The following SCD5 variants were observed in gnomAD, a reference collection of about 807,000 sequenced individuals.
The protein encoded by SCD5 is acyl-CoA-desaturase 4.
In SCD5, 20 loss-of-function variants were observed where a neutral mutation model predicts 30.4. The ratio of observed to expected loss-of-function variants is 0.66; its 90% CI spans 0.46 to 0.96. SCD5 has a LOEUF of 0.96. Ranked by LOEUF, SCD5 falls within the 40% of genes least tolerant of loss-of-function variation. SCD5 has a pLI of 0.00. For missense variants in SCD5, 381 were observed against 443.3 expected (o/e 0.86, Z 1.26); for synonymous variants, 173 against 176.4 (o/e 0.98, Z 0.16).
chr4:82,673,729 G>C (rs985530726), intron 3 of SCD5, among the ~76,000 whole-genome samples: 1 of 152,156 alleles, frequency 6.6e-6, no homozygotes, highest in African/African-American at 2.4e-5. Context: ...AAAGTTGGAA[G>C]AGTGCACTAC....
At chr4:82,720,926 G>A (rs1281867563) in intron 1 of SCD5, among the ~76,000 whole-genome samples, 2 of 152,114 alleles carry the variant, frequency 1.3e-5, no homozygotes, top group African/African-American at 4.8e-5. Flanking sequence ...CCGAGGTGAG[G>A]GGATCTCTTG....
intron 1 of SCD5, among the ~76,000 whole-genome samples, chr4:82,789,676 C>A (rs1202127623): frequency 6.6e-6 from 1 of 152,182 alleles, no homozygotes; most frequent in Non-Finnish European, 1.5e-5. Context: ...AGCCCTCCAA[C>A]CTTTCTAGTA....
intron 2 of SCD5, among the ~76,000 whole-genome samples, chr4:82,700,086 G>A (rs116032421): frequency 0.023 from 3,476 of 151,886 alleles, 65 homozygotes; most frequent in South Asian, 0.091. Flanking sequence ...GTTTGGTGGC[G>A]CGCACCTGTA....
At chr4:82,712,273 T>C (rs1248812607) in intron 1 of SCD5, among the ~76,000 whole-genome samples, 709 of 50,034 alleles carry the variant, frequency 0.014, 127 homozygotes, top group African/African-American at 0.089. Context: ...TATATATATA[T>C]ATATATATAT....
At chr4:82,742,302 A>G (rs1578048095) in intron 1 of SCD5, among the ~76,000 whole-genome samples, 1 of 152,148 alleles carries the variant, frequency 6.6e-6, no homozygotes, top group East Asian at 1.9e-4. Flanking sequence ...GGTTTTCCTG[A>G]GTAGAGTGTG....
chr4:82,757,831 G>C (rs765558523), intron 1 of SCD5, among the ~76,000 whole-genome samples: 56 of 152,176 alleles, frequency 3.7e-4, no homozygotes, highest in Non-Finnish European at 7.2e-4. Context: ...TTCAGGAAAA[G>C]AGAGTCCTAA....
chr4:82,653,478 C>T (rs774216144), intron 3 of SCD5, among the ~76,000 whole-genome samples: 8 of 152,134 alleles, frequency 5.3e-5, no homozygotes, highest in African/African-American at 2.4e-5. Flanking sequence ...AATCCCCTCA[C>T]TACCACCTGG....
intron 3 of SCD5, among the ~76,000 whole-genome samples, chr4:82,668,235 T>C (rs1728233446): frequency 6.6e-6 from 1 of 151,828 alleles, no homozygotes; most frequent in African/African-American, 2.4e-5. Context: ...AGACAAAGAC[T>C]ATAGGGAGAG....
At chr4:82,716,990 T>C (rs1720241964) in intron 1 of SCD5, among the ~76,000 whole-genome samples, 1 of 151,798 alleles carries the variant, frequency 6.6e-6, no homozygotes, top group Admixed American at 6.6e-5. Context: ...TAGAGATGAT[T>C]TAAAATATAT....
At chr4:82,682,243 C>A (rs1728592684) in intron 2 of SCD5, among the ~76,000 whole-genome samples, 1 of 152,162 alleles carries the variant, frequency 6.6e-6, no homozygotes, top group African/African-American at 2.4e-5. Flanking sequence ...ATGTGGGGAG[C>A]ACACCCTATT....
chr4:82,759,444 G>C (rs932544273), intron 1 of SCD5, among the ~76,000 whole-genome samples: 1 of 152,054 alleles, frequency 6.6e-6, no homozygotes, highest in Admixed American at 6.5e-5. Context: ...CAGATGTTCT[G>C]CTTCACCCTA....
intron 1 of SCD5, among the ~76,000 whole-genome samples, chr4:82,772,436 C>G (rs1721648213): frequency 6.6e-6 from 1 of 152,262 alleles, no homozygotes; most frequent in Non-Finnish European, 1.5e-5. Flanking sequence ...TGAGCAGCCA[C>G]ATGACTTGTG....
At chr4:82,682,595 A>G (rs1231347790) in intron 2 of SCD5, among the ~76,000 whole-genome samples, 1 of 152,164 alleles carries the variant, frequency 6.6e-6, no homozygotes, top group Non-Finnish European at 1.5e-5. Context: ...TTAGGAGTCT[A>G]CCATTTCATA....
chr4:82,705,255 C>G (rs1719943624), intron 2 of SCD5, 28 bp downstream of exon 2: 3 of 1,612,724 alleles, frequency 1.9e-6, no homozygotes, highest in Non-Finnish European at 2.5e-6. Context: ...CTGGGTCTCC[C>G]AACACAGAGA....
chr4:82,656,412 G>A (rs1355136532), intron 3 of SCD5, among the ~76,000 whole-genome samples: 1 of 152,142 alleles, frequency 6.6e-6, no homozygotes, highest in African/African-American at 2.4e-5. Flanking sequence ...ATTCATCCAT[G>A]TCCCTGCAAA....
At chr4:82,642,379 C>T (rs1381731358) in intron 3 of SCD5, among the ~76,000 whole-genome samples, 1 of 152,128 alleles carries the variant, frequency 6.6e-6, no homozygotes, top group Non-Finnish European at 1.5e-5. Context: ...TGAACATAGA[C>T]CTGGCCCCAT....
intron 1 of SCD5, among the ~76,000 whole-genome samples, chr4:82,795,290 G>C (rs1236197814): frequency 6.6e-6 from 1 of 152,186 alleles, no homozygotes; most frequent in Admixed American, 6.5e-5. Flanking sequence ...CTACAAGTCA[G>C]GTCCTTGAAG....
At chr4:82,765,171 G>C (rs1578059006) in intron 1 of SCD5, among the ~76,000 whole-genome samples, 1 of 152,044 alleles carries the variant, frequency 6.6e-6, no homozygotes, top group African/African-American at 2.4e-5. Context: ...GTTTGTTGTA[G>C]TGCATGTCTA....
At chr4:82,652,630 G>A (rs925700889) in intron 3 of SCD5, among the ~76,000 whole-genome samples, 5 of 152,016 alleles carry the variant, frequency 3.3e-5, no homozygotes, top group Non-Finnish European at 7.4e-5. Flanking sequence ...GTAGGTCCTC[G>A]ATACACTAAA....
Sources: gnomAD v4.1 joint callset for allele counts (sites outside exome capture counted in the v4.1 genomes callset) on GRCh38, gnomAD v4.1.1 for gene constraint, MANE v1.5 for transcripts, NCBI Gene and HGNC (gene_info 2026-07-23, HGNC 2026-07-21) for gene names.